The following ZNF713 variants were observed in gnomAD, a reference collection of about 807,000 sequenced individuals.
The protein encoded by ZNF713 is zinc finger protein 713.
ZNF713 carries 21 observed loss-of-function variants against 28.7 expected under a neutral mutation model. The observed-to-expected ratio is 0.73, with a 90% CI of 0.52 to 1.05. The LOEUF (loss-of-function observed/expected upper bound fraction) is 1.05, where lower values mean the gene tolerates loss of function less well. Among genes scored for constraint, ZNF713 ranks in the 50% least tolerant of loss-of-function variants. ZNF713 has a pLI of 0.00. For missense variants in ZNF713, 458 were observed against 532.4 expected (o/e 0.86, Z 1.37); for synonymous variants, 167 against 178.0 (o/e 0.94, Z 0.49).
At position 55,887,604 on chromosome 7, in the gene ZNF713, G is replaced by GCGGCGT. The variant is rs1785269556; in HGVS notation, c.-654_-653insTCGGCG. The GCGGCGT allele has an allele frequency of 2.1e-5, 1 of 47,868 alleles. No homozygotes were observed. Among genetic ancestry groups the GCGGCGT allele is most frequent in the African/African-American group, 2.9e-4 (1 of 3,502 alleles). 3.0% of individuals were successfully genotyped at this position (47,868 alleles called of 1,614,324 possible). A position where few individuals can be genotyped will look rare whatever the true frequency, so the allele number is the denominator to read the frequency against. ...CCTTCTCCCTCCCGGGTCCACCGCG[G>GCGGCGT]CGGCGGCGGCGGCGGCGGCGGCGGC... On this transcript the variant is annotated 5_prime_UTR_variant, in exon 1 of 7. Coordinates refer to ENST00000429591, the MANE Select transcript of ZNF713 (RefSeq NM_182633.3).
intron 6 of ZNF713, 64 bp downstream of exon 6, chr7:55,923,763 G>C: frequency 1.5e-6 from 2 of 1,312,664 alleles, no homozygotes; most frequent in African/African-American, 1.4e-5. Context: ...GAACCACTCA[G>C]TGGAGTGTTC....
intron 1 of ZNF713, among the ~76,000 whole-genome samples, chr7:55,902,248 G>C (rs1156897090): frequency 6.6e-6 from 1 of 151,884 alleles, no homozygotes; most frequent in Non-Finnish European, 1.5e-5. Flanking sequence ...AAAACTGATA[G>C]GATTTTACTC....
intron 6 of ZNF713, among the ~76,000 whole-genome samples, chr7:55,937,074 G>A (rs547556651): frequency 7.2e-5 from 11 of 152,090 alleles, no homozygotes; most frequent in Non-Finnish European, 1.2e-4. Flanking sequence ...CAAGGCGGGC[G>A]GATTGCCTGA....
At chr7:55,935,063 A>AT (rs1363332217) in intron 6 of ZNF713, among the ~76,000 whole-genome samples, 2 of 151,398 alleles carry the variant, frequency 1.3e-5, no homozygotes, top group Admixed American at 6.6e-5. Flanking sequence ...TAATCTTTGT[A>AT]TTTTTTTAGT....
intron 6 of ZNF713, chr7:55,923,920 C>G (rs555763850): frequency 3.1e-5 from 11 of 353,830 alleles, no homozygotes; most frequent in African/African-American, 1.8e-4. Flanking sequence ...AAAATGCACA[C>G]AAACCAAAGG....
rs375537772 is a variant in ZNF713, at chr7:55,939,851, A to G, written c.1177A>G (p.Thr393Ala). Residue 393 changes from threonine (T) to alanine (A), a missense_variant, in exon 7 of 7, where the codon ACA (threonine) becomes GCA (alanine). Transcript: ENST00000429591. ...THLNQHERTHTGEKPYKCNEC... is the reference protein window; with the variant it reads ...THLNQHERTHAGEKPYKCNEC... ...TCTGAATCAACATGAAAGAACTCAT[A>G]CAGGAGAGAAACCCTATAAATGTAA... The G allele has an allele frequency of 8.7e-6, 14 of 1,614,064 alleles. No individual in the cohort carries two copies. The highest frequency in any genetic ancestry group is 1.3e-5 in the African/African-American group (1 of 74,940).
chr7:55,896,088 G>GGT (rs767166921), intron 1 of ZNF713, among the ~76,000 whole-genome samples: 3 of 152,086 alleles, frequency 2.0e-5, no homozygotes, highest in Non-Finnish European at 4.4e-5. Flanking sequence ...TGTCCAGGAG[G>GGT]GTGGTTACAT....
At chr7:55,907,881 T>C (rs547616416) in intron 2 of ZNF713, among the ~76,000 whole-genome samples, 1 of 152,326 alleles carries the variant, frequency 6.6e-6, no homozygotes, top group East Asian at 1.9e-4. Context: ...TGAGGTTGAT[T>C]CCATGACTTT....
Position 55,941,177 on chromosome 7 carries a change from T to TG in ZNF713, c.*1176dup, listed in dbSNP as rs199911309. On this transcript the variant is annotated 3_prime_UTR_variant, in exon 7 of 7. Coordinates refer to ENST00000429591, the MANE Select transcript of ZNF713 (RefSeq NM_182633.3). ...TTGATTAATTAAAGACAATGCTGGC[T>TG]GGGGGCGGTGGTTCACGCCTATAAT... The TG allele has an allele frequency of 2.7e-5, 4 of 147,550 alleles. No homozygotes were observed. The highest frequency in any genetic ancestry group is 9.9e-5 in the African/African-American group (4 of 40,476). The allele number at this position is 147,550 out of a possible 1,614,324, so 9.1% of individuals were successfully genotyped here. A position where few individuals can be genotyped will look rare whatever the true frequency, so the allele number is the denominator to read the frequency against.
At chr7:55,929,732 G>A (rs1274156541) in intron 6 of ZNF713, among the ~76,000 whole-genome samples, 1 of 151,590 alleles carries the variant, frequency 6.6e-6, no homozygotes, top group African/African-American at 2.4e-5. Flanking sequence ...TCCAGCCTGG[G>A]TGACAGAGCA....
At chr7:55,927,936 G>A (rs893277351) in intron 6 of ZNF713, among the ~76,000 whole-genome samples, 3 of 137,334 alleles carry the variant, frequency 2.2e-5, no homozygotes, top group Admixed American at 7.6e-5. Flanking sequence ...AAGAGATGGA[G>A]CAAGGTTCTA....
In ZNF713 at chr7:55,887,852, GGCGGGCGGCGGGCGGC is replaced by G. The variant is rs1188457719; in HGVS notation, c.-583+174_-583+189del. Among the ~76,000 whole-genome samples the G allele has an allele frequency of 2.2e-4, 5 of 22,882 alleles. 1 individual carries two copies. Among genetic ancestry groups the G allele is most frequent in the South Asian group, 1.1e-3 (1 of 916 alleles). The allele number at this position is 22,882 out of a possible 152,430, so 15.0% of individuals were successfully genotyped here. On this transcript the variant is annotated intron_variant, in intron 1 of 6. Transcript: ENST00000429591. ...GCGGCGGGCGGCGGGCGGCGGCGGC[GGCGGGCGGCGGGCGGC>G]GGCGGCGGCGGCGGCGGCGGGCGGC... is the stretch of plus-strand genomic sequence containing the variant.
chr7:55,939,037 T>A lies in ZNF713; in HGVS notation c.363T>A (p.Asp121Glu). 1 of 1,606,954 alleles carries A rather than the reference T, an allele frequency of 6.2e-7. No homozygotes were observed. Among genetic ancestry groups the A allele is most frequent in the Non-Finnish European group, 8.5e-7 (1 of 1,177,154 alleles). The stretch of plus-strand genomic sequence containing the variant: ...CAACCACAAGCCAGAATATTTCTGA[T>A]GAAAATCAAACCCATGAGATGATAA... Reference protein sequence around the residue: ...KKSTTSQNISDENQTHEMIME... With the variant: ...KKSTTSQNISEENQTHEMIME... The change falls in exon 7 of 7, where the codon GAT (aspartate) becomes GAA (glutamate). Residue 121 changes from aspartate to glutamate, a missense_variant. Transcript: ENST00000429591.
rs565309548 is a variant in ZNF713 at position 55,909,069 on chromosome 7, G to A, written c.-455-2547G>A. 4.2e-4 allele frequency among the ~76,000 whole-genome samples: 63 copies of A among 151,652 alleles called. 1 individual carries two copies. The highest frequency in any genetic ancestry group is 3.1e-3 in the South Asian group (15 of 4,800). Reference sequence around the variant, plus strand: ...AAAAATTAGCTGGGCGTGGTGGCACGTGCCTGTAATCCCAGCTACTTGGGA... The same window carrying A: ...AAAAATTAGCTGGGCGTGGTGGCACATGCCTGTAATCCCAGCTACTTGGGA... On this transcript the variant is annotated intron_variant, in intron 2 of 6. Coordinates refer to ENST00000429591, the MANE Select transcript of ZNF713 (RefSeq NM_182633.3).
Position 55,922,745 on chromosome 7 carries a change from A to G in ZNF713, c.88-417A>G, listed in dbSNP as rs184949854. On this transcript the variant is annotated intron_variant, in intron 4 of 6. Transcript: ENST00000429591. ...ACATTATTTATTTAGATGTAATGCC[A>G]TTACACACTTAATAGACCAAATATA... Among the ~76,000 whole-genome samples, 12 of 152,316 alleles carry G rather than the reference A, an allele frequency of 7.9e-5. No individual in the cohort carries two copies. In the East Asian group the frequency reaches 1.9e-3, roughly 25 times the overall value.
Position 55,940,511 on chromosome 7 carries a change from AAT to A in ZNF713, c.*507_*508del, listed in dbSNP as rs1786445574. The stretch of plus-strand genomic sequence containing the variant: ...CCCAGGAGGGGTTATAAAAAGAAAA[AAT>A]AATTTATTTTACAAATGAGATTATA... On this transcript the variant is annotated 3_prime_UTR_variant, in exon 7 of 7. Coordinates refer to ENST00000429591, the MANE Select transcript of ZNF713 (RefSeq NM_182633.3). The A allele has an allele frequency of 2.0e-6, 2 of 981,130 alleles. No homozygotes were observed. Among genetic ancestry groups the A allele is most frequent in the Non-Finnish European group, 2.4e-6 (2 of 826,042 alleles). The allele number at this position is 981,130 out of a possible 1,614,324, so 60.8% of individuals were successfully genotyped here. A position where few individuals can be genotyped will look rare whatever the true frequency, so the allele number is the denominator to read the frequency against.
At position 55,939,484 on chromosome 7, in the gene ZNF713, C is replaced by G; in HGVS notation, c.810C>G (p.Thr270=). ...PSECGKAFSH[T]SSLSQPQMLL... ...AGTGTGGGAAGGCCTTCAGCCACACCTCATCTCTTAGCCAGCCTCAGATGT... is the reference window on the plus strand; with the variant it reads ...AGTGTGGGAAGGCCTTCAGCCACACGTCATCTCTTAGCCAGCCTCAGATGT... Residue 270 remains threonine (T), a synonymous_variant, in exon 7 of 7, where the codon ACC becomes ACG. Coordinates refer to ENST00000429591, the MANE Select transcript of ZNF713 (RefSeq NM_182633.3). 1 of 1,614,056 alleles carries G rather than the reference C, an allele frequency of 6.2e-7. No individual in the cohort carries two copies. Among genetic ancestry groups the G allele is most frequent in the Non-Finnish European group, 8.5e-7 (1 of 1,180,018 alleles).
Position 55,940,621 on chromosome 7 carries a change from A to G in ZNF713, c.*615A>G, listed in dbSNP as rs1786448056. ...CCAGGCATGGTGGTGCACACCTGCA[A>G]TCCCAGCTACTCTGGAGACTGAGGC... On this transcript the variant is annotated 3_prime_UTR_variant, in exon 7 of 7. Coordinates refer to ENST00000429591, the MANE Select transcript of ZNF713 (RefSeq NM_182633.3). The G allele has an allele frequency of 1.1e-6, 1 of 913,506 alleles. No homozygotes were observed. The highest frequency in any genetic ancestry group is 1.3e-6 in the Non-Finnish European group (1 of 764,982). 56.6% of individuals were successfully genotyped at this position (913,506 alleles called of 1,614,324 possible).
At position 55,887,614 on chromosome 7, in the gene ZNF713, C is replaced by CGGCGGT; in HGVS notation, c.-644_-643insTGGCGG. On this transcript the variant is annotated 5_prime_UTR_variant, in exon 1 of 7. Coordinates refer to ENST00000429591, the MANE Select transcript of ZNF713 (RefSeq NM_182633.3). ...CCCGGGTCCACCGCGGCGGCGGCGG[C>CGGCGGT]GGCGGCGGCGGCGGCGGCGGCGGCG... 1 of 172,646 alleles carries CGGCGGT rather than the reference C, an allele frequency of 5.8e-6. No homozygotes were observed. 10.7% of individuals were successfully genotyped at this position (172,646 alleles called of 1,614,324 possible). A position where few individuals can be genotyped will look rare whatever the true frequency, so the allele number is the denominator to read the frequency against.
Sources: gnomAD v4.1 joint callset for allele counts (sites outside exome capture counted in the v4.1 genomes callset) on GRCh38, gnomAD v4.1.1 for gene constraint, MANE v1.5 for transcripts, NCBI Gene and HGNC (gene_info 2026-07-23, HGNC 2026-07-21) for gene names.